PPP1R12B: variants seen among roughly 807,000 people sequenced by gnomAD.
PPP1R12B encodes myosin phosphatase target subunit 2.
Under a neutral mutation model 126.1 loss-of-function variants are expected in PPP1R12B, and 76 were observed. That is an observed-to-expected ratio of 0.60 (90% CI 0.50 to 0.73). The LOEUF is 0.73. Among genes scored for constraint, PPP1R12B ranks in the 30% least tolerant of loss-of-function variants. The pLI, the probability that PPP1R12B is intolerant of heterozygous loss-of-function variation, is 0.00. For synonymous variants in PPP1R12B, 356 were observed against 434.7 expected, an observed-to-expected ratio of 0.82 and a Z score of 2.25; for missense variants, 1,052 against 1,205.1, an observed-to-expected ratio of 0.87 and a Z score of 1.88.
At chr1:202,449,639 C>G (rs1672687327) in intron 13 of PPP1R12B, among the ~76,000 whole-genome samples, 1 of 151,816 alleles carries the variant, frequency 6.6e-6, no homozygotes, top group Non-Finnish European at 1.5e-5. Context: ...TTTGGTGACT[C>G]AATTATTTAT....
At chr1:202,425,818 C>T (rs558778621) in intron 4 of PPP1R12B, 93 bp downstream of exon 4, 235 of 1,260,360 alleles carry the variant, frequency 1.9e-4, no homozygotes, top group Middle Eastern at 5.6e-4. Flanking sequence ...TCCGCTATGA[C>T]GTGTTTCCTT....
At chr1:202,549,486 C>G (rs539829215) in intron 18 of PPP1R12B, among the ~76,000 whole-genome samples, 12 of 146,970 alleles carry the variant, frequency 8.2e-5, no homozygotes, top group African/African-American at 3.0e-4. Context: ...GTGGCGTGAT[C>G]TCTGCTCACC....
chr1:202,459,343 T>C (rs1489495521), intron 13 of PPP1R12B, among the ~76,000 whole-genome samples: 2 of 152,142 alleles, frequency 1.3e-5, no homozygotes, highest in African/African-American at 2.4e-5. Flanking sequence ...ATATTAATTA[T>C]AGGGACAACA....
intron 21 of PPP1R12B, among the ~76,000 whole-genome samples, chr1:202,566,418 G>T (rs1342390128): frequency 6.6e-6 from 1 of 152,242 alleles, no homozygotes; most frequent in Admixed American, 6.5e-5. Flanking sequence ...TGGCAGGACA[G>T]TGGAGGGAGG....
chr1:202,447,384 A>G (rs528819750), intron 12 of PPP1R12B, among the ~76,000 whole-genome samples: 17 of 152,316 alleles, frequency 1.1e-4, no homozygotes, highest in African/African-American at 4.1e-4. Context: ...CACTGTTTGT[A>G]TCTGCTGAGT....
At chr1:202,377,467 TA>T (rs1204181284) in intron 1 of PPP1R12B, among the ~76,000 whole-genome samples, 1 of 151,944 alleles carries the variant, frequency 6.6e-6, no homozygotes, top group Admixed American at 6.6e-5. Flanking sequence ...CACGCCCGGC[TA>T]ATTTTTTGTA....
chr1:202,573,815 C>T (rs1285977435), intron 23 of PPP1R12B, among the ~76,000 whole-genome samples: 3 of 152,162 alleles, frequency 2.0e-5, no homozygotes, highest in Non-Finnish European at 4.4e-5. Context: ...CACATTGGTC[C>T]AGCTAGTTTC....
intron 8 of PPP1R12B, among the ~76,000 whole-genome samples, chr1:202,434,012 A>G (rs1324199033): frequency 6.6e-6 from 1 of 152,242 alleles, no homozygotes; most frequent in East Asian, 1.9e-4. Context: ...TACATGTCAC[A>G]TGAGAGATAT....
intron 13 of PPP1R12B, among the ~76,000 whole-genome samples, chr1:202,487,581 G>A (rs1428447303): frequency 2.6e-5 from 4 of 151,546 alleles, no homozygotes; most frequent in Non-Finnish European, 4.4e-5. Context: ...CAATAGTCCC[G>A]TTATCCATGG....
At chr1:202,401,581 C>T (rs548941869) in intron 1 of PPP1R12B, among the ~76,000 whole-genome samples, 1 of 152,060 alleles carries the variant, frequency 6.6e-6, no homozygotes, top group African/African-American at 2.4e-5. Context: ...GAATAGCATA[C>T]GTTAATAGCA....
intron 18 of PPP1R12B, chr1:202,540,044 A>G: frequency 7.0e-7 from 1 of 1,421,632 alleles, no homozygotes; most frequent in East Asian, 2.8e-5. Context: ...GCATCAACTC[A>G]AAAGGAGAGA....
chr1:202,552,122 T>C (rs1286203912), intron 18 of PPP1R12B, among the ~76,000 whole-genome samples: 2 of 152,202 alleles, frequency 1.3e-5, no homozygotes, highest in Non-Finnish European at 2.9e-5. Flanking sequence ...ACTAATGAAA[T>C]TGAAAATTTG....
chr1:202,397,102 C>T (rs1464541414), intron 1 of PPP1R12B, among the ~76,000 whole-genome samples: 3 of 152,054 alleles, frequency 2.0e-5, no homozygotes, highest in Non-Finnish European at 2.9e-5. Context: ...CTGTCTCTTT[C>T]CTCCCTTTCT....
chr1:202,499,892 G>A (rs574565324), intron 18 of PPP1R12B, among the ~76,000 whole-genome samples: 5 of 152,208 alleles, frequency 3.3e-5, no homozygotes, highest in Non-Finnish European at 7.3e-5. Flanking sequence ...TATTTGGTCA[G>A]AGAAATGCAA....
At chr1:202,528,131 A>G (rs1683545913) in intron 18 of PPP1R12B, among the ~76,000 whole-genome samples, 1 of 152,206 alleles carries the variant, frequency 6.6e-6, no homozygotes, top group South Asian at 2.1e-4. Flanking sequence ...TAGGTCACTA[A>G]TAGTCTGTGG....
chr1:202,569,138 C>T lies in PPP1R12B; in HGVS notation c.2812-9C>T. 1.2e-6 allele frequency: 2 copies of T among 1,612,542 alleles called. No homozygotes were observed. Among genetic ancestry groups the T allele is most frequent in the Non-Finnish European group, 1.7e-6 (2 of 1,178,742 alleles). ...AATAATGTTCAACAGTCTCATTGTT[C>T]CGAAACAGGAGAGGCGAGCCTTGGA... On this transcript the variant is annotated splice_polypyrimidine_tract_variant and intron_variant, in intron 22 of 23. Coordinates refer to ENST00000608999, the MANE Select transcript of PPP1R12B (RefSeq NM_002481.4).
chr1:202,552,924 T>C (rs1006372779), intron 18 of PPP1R12B, among the ~76,000 whole-genome samples: 1 of 152,178 alleles, frequency 6.6e-6, no homozygotes, highest in African/African-American at 2.4e-5. Flanking sequence ...CTGATAACTT[T>C]CAAGTTAAAA....
chr1:202,530,208 A>G (rs1683787936), intron 18 of PPP1R12B, among the ~76,000 whole-genome samples: 1 of 152,020 alleles, frequency 6.6e-6, no homozygotes. Context: ...GTCTGTTTCT[A>G]GAATAGCAAG....
intron 13 of PPP1R12B, among the ~76,000 whole-genome samples, chr1:202,467,499 T>A (rs1472452450): frequency 6.6e-6 from 1 of 152,098 alleles, no homozygotes; most frequent in African/African-American, 2.4e-5. Flanking sequence ...CTTGTGATAG[T>A]TTGCTGAGAA....
Sources: gnomAD v4.1 joint callset for allele counts (sites outside exome capture counted in the v4.1 genomes callset) on GRCh38, gnomAD v4.1.1 for gene constraint, MANE v1.5 for transcripts, NCBI Gene and HGNC (gene_info 2026-07-23, HGNC 2026-07-21) for gene names.